CERT1: variants seen among roughly 807,000 people sequenced by gnomAD.
The protein encoded by CERT1 is ceramide transporter 1.
In CERT1, 31 loss-of-function variants were observed where a neutral mutation model predicts 87.9. The ratio of observed to expected loss-of-function variants is 0.35; its 90% CI spans 0.27 to 0.48. The LOEUF is 0.48. Ranked by LOEUF, CERT1 falls within the 20% of genes least tolerant of loss-of-function variation. CERT1 has a pLI of 0.99. For missense variants in CERT1, 487 were observed against 758.0 expected, an observed-to-expected ratio of 0.64 and a Z score of 4.20; for synonymous variants, 289 against 250.9, an observed-to-expected ratio of 1.15 and a Z score of -1.44.
intron 2 of CERT1, among the ~76,000 whole-genome samples, chr5:75,473,621 T>C (rs1041254586): frequency 2.0e-5 from 3 of 152,146 alleles, no homozygotes; most frequent in Non-Finnish European, 2.9e-5. Context: ...GGACACATAC[T>C]TATGGTTAGA....
rs1052910195 is a variant in CERT1 at position 75,384,559 on chromosome 5, TC to T, written c.1488+82del. 6.8e-5 allele frequency: 61 copies of T among 903,494 alleles called. No homozygotes were observed. The African/African-American group carries it at 9.3e-4, about 14-fold the overall frequency. 56.0% of individuals were successfully genotyped at this position (903,494 alleles called of 1,614,324 possible). On this transcript the variant is annotated intron_variant, in intron 14 of 16. Coordinates refer to ENST00000643780, the MANE Select transcript of CERT1 (RefSeq NM_001379029.1). ...TGGATTTTTGTGGCTTTTAATAACCTCCCCAATTTTACTTTAGAGAATCTAT... is the reference window on the plus strand; with the variant it reads ...TGGATTTTTGTGGCTTTTAATAACCTCCCAATTTTACTTTAGAGAATCTAT...
intron 3 of CERT1, among the ~76,000 whole-genome samples, chr5:75,444,050 T>C (rs760560006): frequency 2.0e-5 from 3 of 152,176 alleles, no homozygotes; most frequent in African/African-American, 4.8e-5. Context: ...AAGTGTCATA[T>C]AGACAGCATA....
chr5:75,374,921 T>G (rs778551874), downstream of CERT1: 3 of 337,036 alleles, frequency 8.9e-6, no homozygotes, highest in African/African-American at 4.3e-5. Context: ...GGTGAGAATT[T>G]TGTGTGTGTG....
intron 3 of CERT1, among the ~76,000 whole-genome samples, chr5:75,456,383 G>A (rs998911722): frequency 2.6e-5 from 4 of 151,800 alleles, no homozygotes; most frequent in Admixed American, 1.3e-4. Context: ...AAATAAGAAA[G>A]GGTGGCTGGC....
chr5:75,397,899 A>T (rs1561232964), intron 11 of CERT1, among the ~76,000 whole-genome samples: 1 of 152,142 alleles, frequency 6.6e-6, no homozygotes, highest in Non-Finnish European at 1.5e-5. Context: ...CGTGCCTGTA[A>T]TCCCAGCTAC....
intron 8 of CERT1, among the ~76,000 whole-genome samples, chr5:75,408,457 T>G (rs1198552741): frequency 6.6e-6 from 1 of 152,204 alleles, no homozygotes; most frequent in Non-Finnish European, 1.5e-5. Flanking sequence ...CCAGTTCATC[T>G]GCATCTCGTT....
At chr5:75,440,375 T>C (rs1269755621) in intron 3 of CERT1, among the ~76,000 whole-genome samples, 2 of 152,106 alleles carry the variant, frequency 1.3e-5, no homozygotes, top group East Asian at 1.9e-4. Context: ...ACCCTCAAGA[T>C]ACTTTTCTCA....
chr5:75,489,173 T>C (rs1047255566), intron 2 of CERT1, among the ~76,000 whole-genome samples: 7 of 152,030 alleles, frequency 4.6e-5, no homozygotes, highest in Non-Finnish European at 7.4e-5. Flanking sequence ...ATAAATGGTG[T>C]TGGGAAAACT....
At chr5:75,498,243 G>A (rs1023736386) in intron 2 of CERT1, among the ~76,000 whole-genome samples, 12 of 152,172 alleles carry the variant, frequency 7.9e-5, no homozygotes, top group African/African-American at 2.9e-4. Flanking sequence ...CTGTTGATGT[G>A]ACAGAAAAGA....
intron 3 of CERT1, among the ~76,000 whole-genome samples, chr5:75,456,053 C>T (rs539737194): frequency 3.3e-5 from 5 of 152,050 alleles, no homozygotes; most frequent in Admixed American, 6.6e-5. Context: ...ATAATGCATA[C>T]TTAAATAGTA....
At position 75,377,807 on chromosome 5, in the gene CERT1, A is replaced by AT. The variant is rs1232285245; in HGVS notation, c.*1538dup. 1 of 152,214 alleles carries AT rather than the reference A, an allele frequency of 6.6e-6. No homozygotes were observed. Among genetic ancestry groups the AT allele is most frequent in the East Asian group, 1.9e-4 (1 of 5,158 alleles). 9.4% of individuals were successfully genotyped at this position (152,214 alleles called of 1,614,324 possible). A position where few individuals can be genotyped will look rare whatever the true frequency, so the allele number is the denominator to read the frequency against. On this transcript the variant is annotated 3_prime_UTR_variant, in exon 17 of 17. Coordinates refer to ENST00000643780, the MANE Select transcript of CERT1 (RefSeq NM_001379029.1). ...TTCATACTTTTGACTTTATTTATTT[A>AT]TTTTTTGACAGACATTACCTGTCCA...
downstream of CERT1, chr5:75,374,296 T>G (rs1761199974): frequency 2.1e-6 from 1 of 469,364 alleles, no homozygotes; most frequent in African/African-American, 2.0e-5. Context: ...CCCTCCATAT[T>G]CATGGAATGC....
intron 8 of CERT1, among the ~76,000 whole-genome samples, chr5:75,406,356 G>A (rs1217368957): frequency 1.3e-5 from 2 of 152,128 alleles, no homozygotes; most frequent in East Asian, 1.9e-4. Context: ...CTTTCCCTCC[G>A]GGAAGACATC....
chr5:75,391,325 G>A (rs188951993), intron 11 of CERT1, among the ~76,000 whole-genome samples: 32 of 152,308 alleles, frequency 2.1e-4, no homozygotes, highest in African/African-American at 7.5e-4. Context: ...GATCTTAAAT[G>A]CATTTTTGAT....
intron 2 of CERT1, among the ~76,000 whole-genome samples, chr5:75,478,287 C>A (rs1766066801): frequency 6.6e-6 from 1 of 151,066 alleles, no homozygotes; most frequent in Non-Finnish European, 1.5e-5. Context: ...GCATTCCAGC[C>A]TGGGTGACAG....
intron 3 of CERT1, among the ~76,000 whole-genome samples, chr5:75,448,100 A>G (rs1764631115): frequency 6.6e-6 from 1 of 152,216 alleles, no homozygotes; most frequent in African/African-American, 2.4e-5. Context: ...GTTCTTGAAA[A>G]AATAATGTTA....
intron 2 of CERT1, among the ~76,000 whole-genome samples, chr5:75,498,229 C>A (rs975337780): frequency 1.3e-5 from 2 of 152,184 alleles, no homozygotes; most frequent in Non-Finnish European, 2.9e-5. Flanking sequence ...GGAAAATCTG[C>A]AGCCTGTTGA....
chr5:75,411,062 A>G lies in CERT1; in HGVS notation c.879T>C (p.Asn293=). ...ATTTTTTCTTAAGTTCTGTCATTGC[A>G]TTTTTATATGCTTCCTCTGTTCTTC... ...KKRRTEEAYK[N]AMTELKKKSH... is the part of the protein sequence containing the mutation. The change falls in exon 8 of 17, where the codon AAT becomes AAC. Residue 293 remains asparagine (N), a synonymous_variant. Coordinates refer to ENST00000643780, the MANE Select transcript of CERT1 (RefSeq NM_001379029.1). 1 of 1,595,898 alleles carries G rather than the reference A, an allele frequency of 6.3e-7. No individual in the cohort carries two copies. The highest frequency in any genetic ancestry group is 8.6e-7 in the Non-Finnish European group (1 of 1,169,524).
At chr5:75,441,445 G>C (rs1764318338) in intron 3 of CERT1, among the ~76,000 whole-genome samples, 1 of 152,190 alleles carries the variant, frequency 6.6e-6, no homozygotes, top group South Asian at 2.1e-4. Flanking sequence ...TTTTGAAACA[G>C]TGAAACTATC....
Sources: allele counts gnomAD v4.1 joint callset (sites outside exome capture counted in the v4.1 genomes callset), GRCh38; gene constraint gnomAD v4.1.1; transcripts MANE v1.5; gene names NCBI Gene and HGNC (gene_info 2026-07-23, HGNC 2026-07-21).